Variants in LHFPL3 observed in about 807,000 individuals in gnomAD.
LHFPL3 encodes LHFPL tetraspan subfamily member 3 protein.
Under a neutral mutation model 19.3 loss-of-function variants are expected in LHFPL3, and 5 were observed. The observed-to-expected ratio is 0.26, with a 90% CI of 0.14 to 0.54. LHFPL3 has a LOEUF of 0.54. Ranked by LOEUF, LHFPL3 falls within the 20% of genes least tolerant of loss-of-function variation. The pLI, the probability that LHFPL3 is intolerant of heterozygous loss-of-function variation, is 0.94. For synonymous variants in LHFPL3, 133 were observed against 126.2 expected (o/e 1.05, Z -0.36); for missense variants, 249 against 307.4 (o/e 0.81, Z 1.42).
intron 1 of LHFPL3, among the ~76,000 whole-genome samples, chr7:104,393,568 T>C (rs981148169): frequency 6.6e-6 from 1 of 151,368 alleles, no homozygotes. Context: ...ATACAAAAAT[T>C]AGCTGGGCAT....
chr7:104,505,155 A>G (rs148580085), intron 1 of LHFPL3, among the ~76,000 whole-genome samples: 40 of 152,352 alleles, frequency 2.6e-4, no homozygotes, highest in African/African-American at 8.7e-4. Context: ...CAAAATCAGT[A>G]TTCTGCTAGA....
At chr7:104,522,379 G>T (rs1043657801) in intron 1 of LHFPL3, among the ~76,000 whole-genome samples, 3 of 97,012 alleles carry the variant, frequency 3.1e-5, no homozygotes, top group African/African-American at 1.2e-4. Context: ...ACACTCTGGG[G>T]ACTGTTGTGG....
At chr7:104,711,653 C>A (rs1562970745) in intron 1 of LHFPL3, among the ~76,000 whole-genome samples, 1 of 152,024 alleles carries the variant, frequency 6.6e-6, no homozygotes, top group Non-Finnish European at 1.5e-5. Flanking sequence ...TAGAACCAGG[C>A]AAAATATCAG....
intron 2 of LHFPL3, chr7:104,826,591 TTTTGC>T (rs1790823646): frequency 6.4e-6 from 1 of 156,770 alleles, no homozygotes; most frequent in Admixed American, 6.6e-5. Context: ...ATTCAGGAAG[TTTTGC>T]CACCCAGGCC....
rs141775165 is a variant in LHFPL3, at chr7:104,795,467, G to A, written c.682+58556G>A. On this transcript the variant is annotated intron_variant, in intron 2 of 2. Transcript: ENST00000424859. ...AAGACAGCGATTCTTCTAACAGTTT[G>A]TATGCCTCAATTGTATTAGGGAAAG... is the stretch of plus-strand genomic sequence containing the variant. Among the ~76,000 whole-genome samples the A allele has an allele frequency of 1.2e-3, 181 of 152,276 alleles. 2 individuals are homozygous for A. The East Asian group carries it at 0.029, about 24-fold the overall frequency.
intron 1 of LHFPL3, among the ~76,000 whole-genome samples, chr7:104,511,672 T>A (rs1175342953): frequency 6.6e-6 from 1 of 152,168 alleles, no homozygotes; most frequent in Non-Finnish European, 1.5e-5. Context: ...TGCAGTGACC[T>A]GGATGAAACT....
At chr7:104,444,556 C>T (rs1792290826) in intron 1 of LHFPL3, among the ~76,000 whole-genome samples, 1 of 152,190 alleles carries the variant, frequency 6.6e-6, no homozygotes, top group Non-Finnish European at 1.5e-5. Context: ...TAGCATTGTT[C>T]TTTTCCGGTA....
chr7:104,512,604 C>T (rs1029222294), intron 1 of LHFPL3, among the ~76,000 whole-genome samples: 1 of 152,014 alleles, frequency 6.6e-6, no homozygotes, highest in Non-Finnish European at 1.5e-5. Flanking sequence ...GGCGTGGTGA[C>T]AGAAGCTTAT....
intron 1 of LHFPL3, among the ~76,000 whole-genome samples, chr7:104,440,284 A>G (rs932199282): frequency 6.6e-6 from 1 of 152,096 alleles, no homozygotes; most frequent in Non-Finnish European, 1.5e-5. Context: ...GAAGCTGGAA[A>G]CCATCATTCT....
chr7:104,841,874 T>C (rs4730052), intron 2 of LHFPL3, among the ~76,000 whole-genome samples: 33,266 of 151,814 alleles, frequency 0.22, 3,901 homozygotes, highest in South Asian at 0.41. Context: ...TTTCAGGAGG[T>C]CTCAGGGCAA....
chr7:104,500,853 C>T (rs927839982), intron 1 of LHFPL3, among the ~76,000 whole-genome samples: 1 of 152,208 alleles, frequency 6.6e-6, no homozygotes, highest in Non-Finnish European at 1.5e-5. Flanking sequence ...CCAGCCTCCT[C>T]TCCCAAGAAC....
intron 1 of LHFPL3, among the ~76,000 whole-genome samples, chr7:104,431,928 A>C (rs995660828): frequency 1.3e-5 from 2 of 152,158 alleles, no homozygotes; most frequent in Non-Finnish European, 2.9e-5. Context: ...GAGGAGGTAG[A>C]GGAATAAATG....
chr7:104,789,476 A>G (rs543986320), intron 2 of LHFPL3, among the ~76,000 whole-genome samples: 2 of 152,240 alleles, frequency 1.3e-5, no homozygotes, highest in South Asian at 4.1e-4. Flanking sequence ...GTCTTCAGCT[A>G]TCTTCATGGA....
chr7:104,787,304 T>C (rs1789936624), intron 2 of LHFPL3, among the ~76,000 whole-genome samples: 1 of 152,202 alleles, frequency 6.6e-6, no homozygotes, highest in African/African-American at 2.4e-5. Context: ...AGTACAGTAA[T>C]GTGGCCTCAA....
At chr7:104,423,755 C>T (rs930169574) in intron 1 of LHFPL3, among the ~76,000 whole-genome samples, 3 of 151,460 alleles carry the variant, frequency 2.0e-5, no homozygotes, top group Non-Finnish European at 4.4e-5. Flanking sequence ...TAGCAGCAGT[C>T]CAAAATGTCA....
chr7:104,538,755 C>T (rs1794433582), intron 1 of LHFPL3, among the ~76,000 whole-genome samples: 1 of 152,110 alleles, frequency 6.6e-6, no homozygotes, highest in African/African-American at 2.4e-5. Context: ...CTGAAGATGT[C>T]CACACCCTAT....
In LHFPL3 at chr7:104,489,825, G is replaced by A. The variant is rs564541550; in HGVS notation, c.445+160601G>A. On this transcript the variant is annotated intron_variant, in intron 1 of 2. Transcript: ENST00000424859. Reference sequence around the variant, plus strand: ...TTCATTGGAATAATTTGGAGACAAGGAAGTTTTGTGGAGGATCAGTTCAGT... The same window carrying A: ...TTCATTGGAATAATTTGGAGACAAGAAAGTTTTGTGGAGGATCAGTTCAGT... Among the ~76,000 whole-genome samples, 8 of 152,226 alleles carry A rather than the reference G, an allele frequency of 5.3e-5. No individual in the cohort carries two copies. The East Asian group carries it at 5.8e-4, about 11-fold the overall frequency.
intron 2 of LHFPL3, among the ~76,000 whole-genome samples, chr7:104,871,048 C>T (rs192603428): frequency 2.7e-4 from 41 of 152,288 alleles, no homozygotes; most frequent in Admixed American, 2.4e-3. Context: ...GACCTAGTTT[C>T]GCTAAGCTAT....
rs371315167 is a variant in LHFPL3 at position 104,521,072 on chromosome 7, C to T, written c.445+191848C>T. 6.6e-5 allele frequency among the ~76,000 whole-genome samples: 10 copies of T among 152,088 alleles called. No homozygotes were observed. The East Asian group carries it at 1.2e-3, about 18-fold the overall frequency. On this transcript the variant is annotated intron_variant, in intron 1 of 2. Coordinates refer to ENST00000424859, the MANE Select transcript of LHFPL3 (RefSeq NM_199000.3). ...CAGTTTTGGATCTTTCCTGCTTTCT[C>T]TTGTGGGCATTTAGTACTACAAATT...
Sources: allele counts gnomAD v4.1 joint callset (sites outside exome capture counted in the v4.1 genomes callset), GRCh38; gene constraint gnomAD v4.1.1; transcripts MANE v1.5; gene names NCBI Gene and HGNC (gene_info 2026-07-23, HGNC 2026-07-21).